Variants in OBI1 observed in about 807,000 individuals in gnomAD.
OBI1 encodes ring finger protein 219.
OBI1 carries 59 observed loss-of-function variants against 62.4 expected under a neutral mutation model. That is an observed-to-expected ratio of 0.95 (90% CI 0.77 to 1.17). OBI1 has a LOEUF of 1.17. Among genes scored for constraint, OBI1 ranks in the 50% most tolerant of loss-of-function variants. The pLI is 0.00. For missense variants in OBI1, 875 were observed against 830.9 expected (o/e 1.05, Z -0.65); for synonymous variants, 302 against 292.8 (o/e 1.03, Z -0.32).
intron 5 of OBI1, among the ~76,000 whole-genome samples, chr13:78,631,255 A>G (rs1021572025): frequency 6.6e-6 from 1 of 152,184 alleles, no homozygotes; most frequent in Non-Finnish European, 1.5e-5. Context: ...ACTACATATT[A>G]TAGCCCTTGC....
rs1275988317 is a variant in OBI1, at chr13:78,615,766, A to T, written c.1995T>A (p.Asp665Glu). ...LLSSSHRLFE[D>E]QRFGSSLFKM... ...TAAACAAAGATGACCCAAATCTTTG[A>T]TCTTCAAATAGTCGATGTGAACTGC... The change falls in exon 6 of 6, where the codon GAT becomes GAA. Residue 665 changes from aspartate to glutamate, a missense_variant. By Grantham distance (45) the Asp-to-Glu change is conservative. Transcript: ENST00000282003. 6.2e-7 allele frequency: 1 copy of T among 1,613,906 alleles called. No homozygotes were observed. The highest frequency in any genetic ancestry group is 8.5e-7 in the Non-Finnish European group (1 of 1,179,964).
chr13:78,657,088 C>T (rs1593804651), intron 1 of OBI1, among the ~76,000 whole-genome samples: 1 of 152,108 alleles, frequency 6.6e-6, no homozygotes, highest in Non-Finnish European at 1.5e-5. Context: ...CCTGGCTTAA[C>T]CTTTTTGAGC....
At chr13:78,631,871 C>T (rs577355925) in intron 5 of OBI1, among the ~76,000 whole-genome samples, 5 of 152,082 alleles carry the variant, frequency 3.3e-5, no homozygotes, top group East Asian at 1.9e-4. Flanking sequence ...TAACCAACAC[C>T]TTCATTTTAA....
intron 5 of OBI1, among the ~76,000 whole-genome samples, chr13:78,630,435 A>G (rs1467924479): frequency 6.6e-6 from 1 of 152,092 alleles, no homozygotes; most frequent in Non-Finnish European, 1.5e-5. Flanking sequence ...ATGTTTTAGG[A>G]TGCATTTCCA....
At chr13:78,620,619 A>G (rs778773678) in intron 5 of OBI1, 13 of 456,580 alleles carry the variant, frequency 2.8e-5, no homozygotes, top group Non-Finnish European at 8.8e-6. Flanking sequence ...TCTGGATGAG[A>G]GAGAAAAGGA....
intron 1 of OBI1, among the ~76,000 whole-genome samples, chr13:78,652,468 G>A (rs181734947): frequency 2.6e-5 from 4 of 151,438 alleles, no homozygotes; most frequent in African/African-American, 7.3e-5. Context: ...AATGAGACCC[G>A]TGGCAATAAA....
chr13:78,634,000 G>A (rs529186530), intron 5 of OBI1, among the ~76,000 whole-genome samples: 3 of 151,362 alleles, frequency 2.0e-5, no homozygotes, highest in African/African-American at 4.8e-5. Context: ...CCCGGGGGGC[G>A]GAGCCTGCAG....
rs1249752135 is a variant in OBI1 at position 78,615,623 on chromosome 13, C to T, written c.2138G>A (p.Ser713Asn). 2 of 1,613,102 alleles carry T rather than the reference C, an allele frequency of 1.2e-6. No individual in the cohort carries two copies. The highest frequency in any genetic ancestry group is 1.7e-6 in the Non-Finnish European group (2 of 1,179,660). Residue 713 changes from serine (S) to asparagine (N), a missense_variant, in exon 6 of 6, where the codon AGC becomes AAC. Transcript: ENST00000282003. The part of the protein sequence containing the change: ...VNQSTKRKIQ[S>N]SLSSASPSKA... ...TGATGGGCTGGCACTGGAAAGGCTGCTCTGGATTTTTCTTTTTGTTGATTG... is the reference window on the plus strand; with the variant it reads ...TGATGGGCTGGCACTGGAAAGGCTGTTCTGGATTTTTCTTTTTGTTGATTG...
rs769816595 is a variant in OBI1, at chr13:78,644,846, T to C, written c.208+16A>G. The C allele has an allele frequency of 6.2e-6, 10 of 1,612,214 alleles. No homozygotes were observed. Among genetic ancestry groups the C allele is most frequent in the Non-Finnish European group, 8.5e-6 (10 of 1,178,290 alleles). ...TTTCAAACCTATTCCTATGCATATATAAAACAGGCCCTTACCTATAATTTC... is the reference window on the plus strand; with the variant it reads ...TTTCAAACCTATTCCTATGCATATACAAAACAGGCCCTTACCTATAATTTC... On this transcript the variant is annotated intron_variant, in intron 2 of 5. Transcript: ENST00000282003.
intron 1 of OBI1, among the ~76,000 whole-genome samples, chr13:78,652,175 G>A (rs896452544): frequency 6.6e-6 from 1 of 152,150 alleles, no homozygotes; most frequent in African/African-American, 2.4e-5. Context: ...ATGAATATTG[G>A]AATGAGTATT....
At chr13:78,647,611 C>T (rs763487077) in intron 1 of OBI1, among the ~76,000 whole-genome samples, 4 of 152,212 alleles carry the variant, frequency 2.6e-5, no homozygotes, top group Non-Finnish European at 5.9e-5. Flanking sequence ...AAACAGTAAT[C>T]AATAAATACT....
chr13:78,653,696 T>G (rs1051394380), intron 1 of OBI1, among the ~76,000 whole-genome samples: 2 of 152,180 alleles, frequency 1.3e-5, no homozygotes, highest in African/African-American at 4.8e-5. Context: ...ATTGATGAAC[T>G]TTACCAACTG....
chr13:78,658,789 T>C (rs923021720), intron 1 of OBI1, among the ~76,000 whole-genome samples: 3 of 152,154 alleles, frequency 2.0e-5, no homozygotes, highest in African/African-American at 4.8e-5. Flanking sequence ...CCGCGGGCGG[T>C]GGCAGGGCCG....
chr13:78,646,686 C>T (rs1030239045), intron 1 of OBI1, among the ~76,000 whole-genome samples: 7 of 151,910 alleles, frequency 4.6e-5, no homozygotes, highest in Non-Finnish European at 8.8e-5. Context: ...CCACTTTTCT[C>T]GGAGAAAATG....
intron 1 of OBI1, 96 bp downstream of exon 1, chr13:78,658,953 C>G: frequency 9.0e-7 from 1 of 1,115,908 alleles, no homozygotes; most frequent in Non-Finnish European, 1.3e-6. Context: ...CTCCGCGCCT[C>G]ACGCCCCTTC....
chr13:78,633,826 G>A (rs1317370316), intron 5 of OBI1, among the ~76,000 whole-genome samples: 1 of 152,088 alleles, frequency 6.6e-6, no homozygotes, highest in Non-Finnish European at 1.5e-5. Context: ...CCAGCACTTT[G>A]GGAGGCCGAG....
At chr13:78,617,644 A>G (rs1875356957) in intron 5 of OBI1, among the ~76,000 whole-genome samples, 1 of 152,146 alleles carries the variant, frequency 6.6e-6, no homozygotes, top group Admixed American at 6.5e-5. Flanking sequence ...GGTGGTTTTA[A>G]ATACTTATTT....
intron 3 of OBI1, among the ~76,000 whole-genome samples, chr13:78,641,503 G>T (rs1037693270): frequency 4.6e-5 from 7 of 151,994 alleles, no homozygotes; most frequent in East Asian, 1.9e-4. Context: ...GGCTTAATGT[G>T]TACTATTCAA....
intron 4 of OBI1, among the ~76,000 whole-genome samples, chr13:78,637,049 A>G (rs1876052059): frequency 6.6e-6 from 1 of 152,248 alleles, no homozygotes; most frequent in African/African-American, 2.4e-5. Context: ...TTTTGCACCT[A>G]AAAGAATAAT....
Sources: gnomAD v4.1 joint callset for allele counts (sites outside exome capture counted in the v4.1 genomes callset) on GRCh38, gnomAD v4.1.1 for gene constraint, MANE v1.5 for transcripts, NCBI Gene and HGNC (gene_info 2026-07-23, HGNC 2026-07-21) for gene names.